AP5M1: variants seen among roughly 807,000 people sequenced by gnomAD.
AP5M1 encodes the protein adaptor related protein complex 5 subunit mu 1, also known as AP-5 complex subunit mu-1.
In AP5M1, 44 loss-of-function variants were observed where a neutral mutation model predicts 52.3. The observed-to-expected ratio is 0.84, with a 90% CI of 0.66 to 1.08. AP5M1 has a LOEUF of 1.08. Ranked by LOEUF, AP5M1 falls within the 50% of genes least tolerant of loss-of-function variation. The probability of loss-of-function intolerance (pLI) is 0.00; values close to 1 mark genes in which losing one functional copy is unlikely to be tolerated. For synonymous variants in AP5M1, 213 were observed against 199.0 expected, an observed-to-expected ratio of 1.07 and a Z score of -0.59; for missense variants, 526 against 568.4, an observed-to-expected ratio of 0.93 and a Z score of 0.76.
At position 57,273,865 on chromosome 14, in the gene AP5M1, A is replaced by C; in HGVS notation, c.75-379A>C. The stretch of plus-strand genomic sequence containing the variant: ...GCCCTACTCTAGCTACTAAGATAGA[A>C]TCAGAAGAAAAAAAATTCTTATAGA... On this transcript the variant is annotated intron_variant, in intron 1 of 7. Transcript: ENST00000261558. The C allele has an allele frequency of 6.5e-6, 4 of 614,120 alleles. No individual in the cohort carries two copies. In the East Asian group the frequency reaches 8.2e-5, roughly 13 times the overall value. The allele number at this position is 614,120 out of a possible 1,614,324, so 38.0% of individuals were successfully genotyped here. A position where few individuals can be genotyped will look rare whatever the true frequency, so the allele number is the denominator to read the frequency against.
chr14:57,272,252 T>C (rs535978795), intron 1 of AP5M1, among the ~76,000 whole-genome samples: 7 of 152,348 alleles, frequency 4.6e-5, no homozygotes, highest in African/African-American at 1.7e-4. Context: ...AATTTTATTA[T>C]ATTTTCAGTT....
chr14:57,283,393 T>G (rs1235019553), intron 6 of AP5M1, 163 bp downstream of exon 6: 1 of 560,728 alleles, frequency 1.8e-6, no homozygotes, highest in African/African-American at 1.9e-5. Flanking sequence ...TTTGTTGTTG[T>G]TTAGTATTAG....
At chr14:57,286,787 ATGCTTAG>A (rs555700040) in intron 7 of AP5M1, among the ~76,000 whole-genome samples, 31 of 152,258 alleles carry the variant, frequency 2.0e-4, no homozygotes, top group African/African-American at 7.2e-4. Context: ...ACTTAGTATG[ATGCTTAG>A]TGTATAGTAT....
intron 4 of AP5M1, among the ~76,000 whole-genome samples, chr14:57,282,556 A>G (rs1468014902): frequency 6.6e-6 from 1 of 152,204 alleles, no homozygotes; most frequent in African/African-American, 2.4e-5. Flanking sequence ...GAATTAGCCA[A>G]TTATATCATA....
chr14:57,274,948 A>G, intron 2 of AP5M1, 59 bp downstream of exon 2: 6 of 1,572,270 alleles, frequency 3.8e-6, no homozygotes, highest in Non-Finnish European at 5.2e-6. Flanking sequence ...AGAAAAGTTA[A>G]ATTTGCTAGT....
Position 57,274,886 on chromosome 14 carries a change from C to A in AP5M1, c.717C>A (p.Cys239Ter). 1 of 1,614,012 alleles carries A rather than the reference C, an allele frequency of 6.2e-7. No homozygotes were observed. Among genetic ancestry groups the A allele is most frequent in the Non-Finnish European group, 8.5e-7 (1 of 1,179,962 alleles). ...DTWQVVGTVT[C>*]KCDLEGIMPN... ...GGCAAGTTGTTGGAACAGTGACTTG[C>A]AAGGTGAGATTTTTCTCTGGTACTT... Residue 239 changes from cysteine to a stop codon, truncating the protein, a stop_gained, in exon 2 of 8, where the codon TGC (cysteine) becomes TGA (stop). Coordinates refer to ENST00000261558, the MANE Select transcript of AP5M1 (RefSeq NM_018229.4). LOFTEE classifies it high-confidence loss of function.
intron 7 of AP5M1, 29 bp from the exon 8 acceptor site, chr14:57,288,773 T>C (rs1446973357): frequency 7.2e-7 from 1 of 1,398,476 alleles, no homozygotes; most frequent in Non-Finnish European, 1.0e-6. Context: ...GAAATAGTCT[T>C]ATCATTAATT....
intron 2 of AP5M1, among the ~76,000 whole-genome samples, chr14:57,277,465 G>A (rs371175406): frequency 3.3e-5 from 5 of 152,036 alleles, no homozygotes; most frequent in East Asian, 1.9e-4. Flanking sequence ...ATTCTTATTA[G>A]TTCACATATA....
chr14:57,275,412 G>C (rs1885006860), intron 2 of AP5M1: 1 of 143,358 alleles, frequency 7.0e-6, no homozygotes, highest in South Asian at 2.1e-4. Context: ...GGGGGGGGGA[G>C]AGAGAGAGGA....
At chr14:57,278,204 A>T (rs1261324322) in intron 2 of AP5M1, among the ~76,000 whole-genome samples, 1 of 152,196 alleles carries the variant, frequency 6.6e-6, no homozygotes, top group Non-Finnish European at 1.5e-5. Context: ...GATGTCTAAT[A>T]TAGAAATTAG....
chr14:57,285,140 TACAG>T (rs1382454798), intron 6 of AP5M1, among the ~76,000 whole-genome samples: 2 of 152,040 alleles, frequency 1.3e-5, no homozygotes, highest in Non-Finnish European at 2.9e-5. Flanking sequence ...TCAAGAGAAA[TACAG>T]ACAATTAGGG....
intron 7 of AP5M1, among the ~76,000 whole-genome samples, chr14:57,287,111 C>T (rs971684330): frequency 4.6e-5 from 7 of 151,610 alleles, no homozygotes; most frequent in Non-Finnish European, 7.4e-5. Context: ...TATGTAACAT[C>T]GAATAGTAGC....
At position 57,270,663 on chromosome 14, in the gene AP5M1, G is replaced by A. The variant is rs1451048505; in HGVS notation, c.74+1275G>A. On this transcript the variant is annotated intron_variant, in intron 1 of 7. Coordinates refer to ENST00000261558, the MANE Select transcript of AP5M1 (RefSeq NM_018229.4). ...ATTCTTTAGTACGTGGTTTTACCAGGCGCATCAGTCCGTACAAAGTATCTC... is the reference window on the plus strand; with the variant it reads ...ATTCTTTAGTACGTGGTTTTACCAGACGCATCAGTCCGTACAAAGTATCTC... Among the ~76,000 whole-genome samples the A allele has an allele frequency of 7.2e-5, 11 of 152,140 alleles. No homozygotes were observed. In the East Asian group the frequency reaches 2.1e-3, roughly 29 times the overall value.
rs1466490655 is a variant in AP5M1 at position 57,295,004 on chromosome 14, G to C, written c.*6120G>C. ...TAATACTTTGGTACTGCCCGTTGCA[G>C]ACATGGGCCTACTAAACTAGAAAGA... On this transcript the variant is annotated 3_prime_UTR_variant, in exon 8 of 8. Transcript: ENST00000261558. 6.6e-6 allele frequency: 1 copy of C among 151,854 alleles called. No homozygotes were observed. Among genetic ancestry groups the C allele is most frequent in the Non-Finnish European group, 1.5e-5 (1 of 67,838 alleles). The allele number at this position is 151,854 out of a possible 1,614,324, so 9.4% of individuals were successfully genotyped here. A position where few individuals can be genotyped will look rare whatever the true frequency, so the allele number is the denominator to read the frequency against.
intron 1 of AP5M1, among the ~76,000 whole-genome samples, chr14:57,270,783 T>G (rs957342365): frequency 6.6e-6 from 1 of 152,250 alleles, no homozygotes; most frequent in African/African-American, 2.4e-5. Flanking sequence ...TTACTCTTTT[T>G]CATTGTATGC....
In AP5M1 at chr14:57,290,025, T is replaced by C. The variant is rs924187125; in HGVS notation, c.*1141T>C. 1 of 151,840 alleles carries C rather than the reference T, an allele frequency of 6.6e-6. No individual in the cohort carries two copies. Among genetic ancestry groups the C allele is most frequent in the African/African-American group, 2.4e-5 (1 of 41,300 alleles). The allele number at this position is 151,840 out of a possible 1,614,324, so 9.4% of individuals were successfully genotyped here. On this transcript the variant is annotated 3_prime_UTR_variant, in exon 8 of 8. Transcript: ENST00000261558. ...CGAACCTCAAAACTTCATTCATGTC[T>C]TTTTACAAATGAGAAAAAAAAATGC...
rs1885460564 is a variant in AP5M1 at position 57,292,579 on chromosome 14, A to C, written c.*3695A>C. On this transcript the variant is annotated 3_prime_UTR_variant, in exon 8 of 8. Coordinates refer to ENST00000261558, the MANE Select transcript of AP5M1 (RefSeq NM_018229.4). ...TTTTGCTTCGCCTAACAATGATATTAGGAAACATAGGCTTTGAAGAAAGAA... is the reference window on the plus strand; with the variant it reads ...TTTTGCTTCGCCTAACAATGATATTCGGAAACATAGGCTTTGAAGAAAGAA... The C allele has an allele frequency of 6.6e-6, 1 of 151,854 alleles. No homozygotes were observed. Among genetic ancestry groups the C allele is most frequent in the Admixed American group, 6.6e-5 (1 of 15,190 alleles). 9.4% of individuals were successfully genotyped at this position (151,854 alleles called of 1,614,324 possible).
rs76558055 is a variant in AP5M1, at chr14:57,284,118, C to T, written c.1293+888C>T. Among the ~76,000 whole-genome samples, 13 of 152,316 alleles carry T rather than the reference C, an allele frequency of 8.5e-5. No individual in the cohort carries two copies. The East Asian group carries it at 2.3e-3, about 27-fold the overall frequency. On this transcript the variant is annotated intron_variant, in intron 6 of 7. Transcript: ENST00000261558. Reference sequence around the variant, plus strand: ...TTGGTATTTCAAGAAAAAGGTGCTACAGCTGAAGTTGTGGAAAGCTTTACA... The same window carrying T: ...TTGGTATTTCAAGAAAAAGGTGCTATAGCTGAAGTTGTGGAAAGCTTTACA...
Position 57,296,696 on chromosome 14 carries a change from T to C in AP5M1, c.*7812T>C, listed in dbSNP as rs1318403740. 2 of 152,068 alleles carry C rather than the reference T, an allele frequency of 1.3e-5. No homozygotes were observed. Among genetic ancestry groups the C allele is most frequent in the Admixed American group, 1.3e-4 (2 of 15,224 alleles). The allele number at this position is 152,068 out of a possible 1,614,324, so 9.4% of individuals were successfully genotyped here. On this transcript the variant is annotated 3_prime_UTR_variant, in exon 8 of 8. Coordinates refer to ENST00000261558, the MANE Select transcript of AP5M1 (RefSeq NM_018229.4). ...AAATAGCATGTTATTTTATTTAATATTGAAGGCCTAAACACAATTGAACAT... is the reference window on the plus strand; with the variant it reads ...AAATAGCATGTTATTTTATTTAATACTGAAGGCCTAAACACAATTGAACAT...
Sources: gnomAD v4.1 joint callset for allele counts (sites outside exome capture counted in the v4.1 genomes callset) on GRCh38, gnomAD v4.1.1 for gene constraint, MANE v1.5 for transcripts, NCBI Gene and HGNC (gene_info 2026-07-23, HGNC 2026-07-21) for gene names.